Variants in ZNF695 observed in about 807,000 individuals in gnomAD.
ZNF695 encodes zinc finger protein 695.
Under a neutral mutation model 11.2 loss-of-function variants are expected in ZNF695, and 11 were observed. That is an observed-to-expected ratio of 0.98 (90% CI 0.62 to 1.62). The LOEUF is 1.62. Among genes scored for constraint, ZNF695 ranks in the 40% most tolerant of loss-of-function variants. The pLI is 0.00. For missense variants in ZNF695, 559 were observed against 590.5 expected, an observed-to-expected ratio of 0.95 and a Z score of 0.55; for synonymous variants, 190 against 201.4, an observed-to-expected ratio of 0.94 and a Z score of 0.48.
At chr1:246,994,160 T>G (rs193047465) in intron 3 of ZNF695, among the ~76,000 whole-genome samples, 9 of 152,264 alleles carry the variant, frequency 5.9e-5, no homozygotes, top group Non-Finnish European at 1.3e-4. Context: ...TAAAAAGATA[T>G]GATCAATGAC....
At chr1:246,968,670 T>A (rs1668348558) in intron 4 of ZNF695, 1 of 152,304 alleles carries the variant, frequency 6.6e-6, no homozygotes, top group South Asian at 2.1e-4. Flanking sequence ...TCTGCCTGGA[T>A]ATCCAGTTGT....
At chr1:247,006,301 T>A (rs955361187) in intron 1 of ZNF695, among the ~76,000 whole-genome samples, 1 of 149,542 alleles carries the variant, frequency 6.7e-6, no homozygotes, top group Non-Finnish European at 1.5e-5. Flanking sequence ...AAATCTTGCA[T>A]CTGTTTGAAA....
chr1:247,001,048 G>C (rs999972809), intron 1 of ZNF695, among the ~76,000 whole-genome samples: 1 of 152,074 alleles, frequency 6.6e-6, no homozygotes, highest in African/African-American at 2.4e-5. Context: ...CCACATATCA[G>C]TATTAACTTT....
At chr1:246,968,514 G>A (rs973507625) in intron 4 of ZNF695, 8 of 152,292 alleles carry the variant, frequency 5.3e-5, no homozygotes, top group African/African-American at 1.4e-4. Flanking sequence ...TACCATTCTG[G>A]GGTGTGGAGG....
intron 4 of ZNF695, among the ~76,000 whole-genome samples, chr1:246,970,037 A>G (rs56030674): frequency 0.13 from 19,522 of 152,216 alleles, 1,400 homozygotes; most frequent in Middle Eastern, 0.17. Flanking sequence ...TAAAGAGTCA[A>G]CTTGAGTATC....
chr1:246,951,263 T>C (rs1463956853), intron 5 of ZNF695, among the ~76,000 whole-genome samples: 1 of 152,204 alleles, frequency 6.6e-6, no homozygotes. Context: ...TCTCAGAATG[T>C]GACCTTTTTC....
At chr1:246,983,161 G>A (rs575975495), downstream of ZNF695, among the ~76,000 whole-genome samples, 11 of 150,290 alleles carry the variant, frequency 7.3e-5, no homozygotes, top group South Asian at 6.3e-4. Context: ...CCGTGATCGC[G>A]CCACTACACT....
intron 1 of ZNF695, among the ~76,000 whole-genome samples, chr1:247,006,493 C>T (rs1210278110): frequency 6.6e-6 from 1 of 151,232 alleles, no homozygotes; most frequent in African/African-American, 2.5e-5. Context: ...TGCCTGTATT[C>T]CCAGCTACCA....
intron 5 of ZNF695, chr1:246,966,753 C>T: frequency 2.2e-6 from 1 of 456,266 alleles, no homozygotes. Flanking sequence ...TCACTGCACT[C>T]TAGCCTGGGC....
chr1:246,980,596 T>C (rs1668682620), downstream of ZNF695, among the ~76,000 whole-genome samples: 1 of 152,074 alleles, frequency 6.6e-6, no homozygotes, highest in South Asian at 2.1e-4. Flanking sequence ...TTTGTATTTT[T>C]TGGTAGAGAC....
intron 5 of ZNF695, chr1:246,967,671 A>G: frequency 5.6e-6 from 2 of 357,050 alleles, no homozygotes; most frequent in Non-Finnish European, 5.6e-6. Flanking sequence ...TAATTTATAA[A>G]GAAAAGAGAT....
At chr1:246,972,936 T>C (rs1668464840) in intron 4 of ZNF695, among the ~76,000 whole-genome samples, 1 of 135,132 alleles carries the variant, frequency 7.4e-6, no homozygotes, top group Non-Finnish European at 1.5e-5. Context: ...AATGTGTATA[T>C]ATATATATAT....
At chr1:246,972,811 C>T (rs892799489) in intron 4 of ZNF695, among the ~76,000 whole-genome samples, 17 of 151,980 alleles carry the variant, frequency 1.1e-4, no homozygotes, top group African/African-American at 3.9e-4. Context: ...AGCCACTGAG[C>T]CCGGCAGCCT....
chr1:246,971,689 T>C (rs1017378127), intron 4 of ZNF695, among the ~76,000 whole-genome samples: 1 of 152,208 alleles, frequency 6.6e-6, no homozygotes, highest in Non-Finnish European at 1.5e-5. Context: ...TATTATAATA[T>C]TGGAATAAAG....
At chr1:246,965,070 C>G (rs1440901121) in intron 5 of ZNF695, among the ~76,000 whole-genome samples, 1 of 151,630 alleles carries the variant, frequency 6.6e-6, no homozygotes, top group African/African-American at 2.4e-5. Flanking sequence ...GATGACTCTA[C>G]AAGAAGAGCA....
intron 5 of ZNF695, among the ~76,000 whole-genome samples, chr1:246,954,547 A>G (rs1667943409): frequency 6.6e-6 from 1 of 152,234 alleles, no homozygotes; most frequent in South Asian, 2.1e-4. Context: ...AACAAAAATC[A>G]GGATAACACA....
At chr1:246,946,438 T>A (rs1315318898) in intron 5 of ZNF695, among the ~76,000 whole-genome samples, 2 of 152,248 alleles carry the variant, frequency 1.3e-5, no homozygotes, top group African/African-American at 4.8e-5. Context: ...TCTGATAAAT[T>A]TTCATACCCT....
chr1:246,980,189 A>AC (rs1668671246), intron 4 of ZNF695, among the ~76,000 whole-genome samples: 1 of 150,764 alleles, frequency 6.6e-6, no homozygotes, highest in African/African-American at 2.4e-5. Flanking sequence ...AAAAAAAAAA[A>AC]AAAAAAAAAA....
At chr1:246,954,785 G>C (rs1667948043) in intron 5 of ZNF695, among the ~76,000 whole-genome samples, 1 of 152,110 alleles carries the variant, frequency 6.6e-6, no homozygotes, top group East Asian at 1.9e-4. Flanking sequence ...TGCTCACTAA[G>C]TTTTTAGGAA....
Sources: gnomAD v4.1 joint callset for allele counts (sites outside exome capture counted in the v4.1 genomes callset) on GRCh38, gnomAD v4.1.1 for gene constraint, MANE v1.5 for transcripts, NCBI Gene and HGNC (gene_info 2026-07-23, HGNC 2026-07-21) for gene names.